NDRG1: variants seen among roughly 807,000 people sequenced by gnomAD.
NDRG1 encodes the protein protein NDRG1.
In NDRG1, 32 loss-of-function variants were observed where a neutral mutation model predicts 56.9. The observed-to-expected ratio is 0.56, with a 90% CI of 0.42 to 0.76. The LOEUF (loss-of-function observed/expected upper bound fraction) is 0.76, where lower values mean the gene tolerates loss of function less well. Ranked by LOEUF, NDRG1 falls within the 30% of genes least tolerant of loss-of-function variation. NDRG1 has a pLI of 0.00. For missense variants in NDRG1, 507 were observed against 545.7 expected (o/e 0.93, Z 0.71); for synonymous variants, 211 against 204.1 (o/e 1.03, Z -0.29).
chr8:133,293,104 G>A (rs1275592208), intron 1 of NDRG1, among the ~76,000 whole-genome samples: 1 of 152,124 alleles, frequency 6.6e-6, no homozygotes, highest in East Asian at 1.9e-4. Flanking sequence ...CCCCCACCCC[G>A]AGAACACGGC....
Position 133,254,577 on chromosome 8 carries a change from C to A in NDRG1, c.556G>T (p.Ala186Ser). The change falls in exon 9 of 16, where the codon GCT (alanine) becomes TCT (serine). Residue 186 changes from alanine to serine, a missense_variant. Physicochemically the swap from Ala to Ser is moderately conservative, Grantham distance 99. Transcript: ENST00000323851. Reference protein sequence around the residue: ...AASKISGWTQALPDMVVSHLF... With the variant: ...AASKISGWTQSLPDMVVSHLF... ...TGGGACACCACCATGTCCGGCAGAGCTTGGGTCCATCCTGAGATCTGGAAA... is the reference window on the plus strand; with the variant it reads ...TGGGACACCACCATGTCCGGCAGAGATTGGGTCCATCCTGAGATCTGGAAA... 6.2e-7 allele frequency: 1 copy of A among 1,614,110 alleles called. No individual in the cohort carries two copies. The highest frequency in any genetic ancestry group is 8.5e-7 in the Non-Finnish European group (1 of 1,180,004).
intron 10 of NDRG1, among the ~76,000 whole-genome samples, chr8:133,250,153 A>G (rs1434865413): frequency 1.3e-5 from 2 of 152,122 alleles, no homozygotes; most frequent in African/African-American, 4.8e-5. Context: ...GCGGGCACAC[A>G]TATTTACTCT....
chr8:133,293,155 C>T (rs573291873), intron 1 of NDRG1, among the ~76,000 whole-genome samples: 8 of 152,206 alleles, frequency 5.3e-5, no homozygotes, highest in Non-Finnish European at 8.8e-5. Context: ...CCTCTGCAGC[C>T]GCCTTCCTGT....
chr8:133,282,663 C>T (rs998811761), intron 2 of NDRG1, among the ~76,000 whole-genome samples: 1 of 152,182 alleles, frequency 6.6e-6, no homozygotes, highest in African/African-American at 2.4e-5. Context: ...CACTGCAATC[C>T]GCCTCACCAC....
intron 2 of NDRG1, among the ~76,000 whole-genome samples, chr8:133,281,376 T>C (rs1857792243): frequency 7.0e-6 from 1 of 142,734 alleles, no homozygotes; most frequent in South Asian, 2.2e-4. Context: ...AAAAAAAAAA[T>C]CTGAGTTTCA....
chr8:133,264,646 C>A lies in NDRG1; in HGVS notation c.106G>T (p.Asp36Tyr), dbSNP rs745832151. 6 of 1,614,028 alleles carry A rather than the reference C, an allele frequency of 3.7e-6. No individual in the cohort carries two copies. Among genetic ancestry groups the A allele is most frequent in the Non-Finnish European group, 8.5e-7 (1 of 1,179,976 alleles). ...ACAGAGCCATGTAAAGTCTCGATGT[C>A]CTGCTCCTGAGGAGACACAGCAGAC... is the stretch of plus-strand genomic sequence containing the variant. ...LLQEFDVQEQ[D>Y]IETLHGSVHV... The change falls in exon 4 of 16, where the codon GAC (aspartate) becomes TAC (tyrosine). Residue 36 changes from aspartate to tyrosine, a missense_variant. Asp to Tyr is a radical substitution (Grantham distance 160). Coordinates refer to ENST00000323851, the MANE Select transcript of NDRG1 (RefSeq NM_006096.4).
chr8:133,242,072 C>G lies in NDRG1; in HGVS notation c.894G>C (p.Pro298=). Residue 298 remains proline (P), a splice_region_variant and synonymous_variant, in exon 15 of 16, where the codon CCG becomes CCC. Coordinates refer to ENST00000323851, the MANE Select transcript of NDRG1 (RefSeq NM_006096.4). ...ACTTGAAGGCCTCAGCGAGCTTGGCCGGCTGCGAGAGACAAGGAGAGAAAA... is the reference window on the plus strand; with the variant it reads ...ACTTGAAGGCCTCAGCGAGCTTGGCGGGCTGCGAGAGACAAGGAGAGAAAA... The part of the protein sequence containing the change: ...DCGGLPQISQ[P]AKLAEAFKYF... 1 of 1,614,138 alleles carries G rather than the reference C, an allele frequency of 6.2e-7. No individual in the cohort carries two copies. Among genetic ancestry groups the G allele is most frequent in the Middle Eastern group, 1.6e-4 (1 of 6,062 alleles).
chr8:133,284,332 G>A lies in NDRG1; in HGVS notation c.-18-3C>T, dbSNP rs756028856. 43 of 1,612,538 alleles carry A rather than the reference G, an allele frequency of 2.7e-5. No individual in the cohort carries two copies. The highest frequency in any genetic ancestry group is 3.6e-5 in the Non-Finnish European group (42 of 1,179,996). On this transcript the variant is annotated splice_region_variant and splice_polypyrimidine_tract_variant and intron_variant, in intron 1 of 15. Transcript: ENST00000323851. ...GACATGTCCCTGCTGTCACCTGCCT[G>A]CAAGGAGACAAAGGCCAAAAGGTCA...
intron 3 of NDRG1, among the ~76,000 whole-genome samples, chr8:133,272,653 A>G (rs1161974029): frequency 6.6e-6 from 1 of 152,148 alleles, no homozygotes. Flanking sequence ...CTCCTAGGAA[A>G]CCCACAGCAG....
intron 6 of NDRG1, 115 bp downstream of exon 6, chr8:133,259,053 C>T (rs1856530067): frequency 9.2e-7 from 1 of 1,088,978 alleles, no homozygotes; most frequent in African/African-American, 1.5e-5. Context: ...CTTGCCTCAT[C>T]TCTAAATTGC....
intron 2 of NDRG1, chr8:133,281,040 A>G (rs549588143): frequency 1.3e-5 from 2 of 152,346 alleles, no homozygotes; most frequent in East Asian, 3.9e-4. Context: ...GGAGACCTCT[A>G]AGCATTTCCC....
At chr8:133,265,733 A>T (rs1350929318) in intron 3 of NDRG1, among the ~76,000 whole-genome samples, 1 of 151,128 alleles carries the variant, frequency 6.6e-6, no homozygotes, top group Non-Finnish European at 1.5e-5. Context: ...GGTTCCAAGC[A>T]CCCCAGCTCA....
rs7820205 is a variant in NDRG1 at position 133,284,499 on chromosome 8, T to C, written c.-18-170A>G. 0.32 allele frequency among the ~76,000 whole-genome samples: 47,991 copies of C among 152,108 alleles called. 9,396 individuals are homozygous for C. Among genetic ancestry groups the C allele is most frequent in the African/African-American group, 0.53 (22,187 of 41,474 alleles). On this transcript the variant is annotated intron_variant, in intron 1 of 15. Transcript: ENST00000323851. ...GGAGGTCCCTTGTACACACAGCCCATGGACCCAACCCAGTCTTCCCATTGG... is the reference window on the plus strand; with the variant it reads ...GGAGGTCCCTTGTACACACAGCCCACGGACCCAACCCAGTCTTCCCATTGG...
intron 8 of NDRG1, chr8:133,256,215 A>G (rs992638099): frequency 6.4e-6 from 1 of 156,378 alleles, no homozygotes; most frequent in African/African-American, 2.4e-5. Flanking sequence ...CACCTCCTAG[A>G]GTTACTATGA....
At chr8:133,245,885 A>G (rs1855646905) in intron 13 of NDRG1, among the ~76,000 whole-genome samples, 1 of 152,244 alleles carries the variant, frequency 6.6e-6, no homozygotes. Context: ...CCACTCAATA[A>G]GTATCGGACA....
chr8:133,295,282 C>T (rs1330802477), intron 1 of NDRG1, among the ~76,000 whole-genome samples: 2 of 152,246 alleles, frequency 1.3e-5, no homozygotes, highest in Non-Finnish European at 2.9e-5. Flanking sequence ...ACCTGCCAGG[C>T]GCTGGGCCAG....
chr8:133,264,559 T>C lies in NDRG1; in HGVS notation c.193A>G (p.Ile65Val). ...NRPVILTYHDIGMNHKTCYNP... is the reference protein window; with the variant it reads ...NRPVILTYHDVGMNHKTCYNP... ...CCTCAGAACTTACGGTTCATGCCGA[T>C]GTCATGGTAGGTGAGGATGACAGGC... is the stretch of plus-strand genomic sequence containing the variant. Residue 65 changes from isoleucine (I) to valine (V), a missense_variant, in exon 4 of 16, where the codon ATC becomes GTC. Coordinates refer to ENST00000323851, the MANE Select transcript of NDRG1 (RefSeq NM_006096.4). 2.5e-6 allele frequency: 4 copies of C among 1,614,172 alleles called. No individual in the cohort carries two copies. The highest frequency in any genetic ancestry group is 3.4e-6 in the Non-Finnish European group (4 of 1,179,982).
At chr8:133,276,812 A>T (rs898056931) in intron 3 of NDRG1, among the ~76,000 whole-genome samples, 1 of 152,222 alleles carries the variant, frequency 6.6e-6, no homozygotes, top group Admixed American at 6.5e-5. Flanking sequence ...GAATGGACTG[A>T]TACCTCTAGC....
In NDRG1 at chr8:133,276,432, T is replaced by C. The variant is rs147268107; in HGVS notation, c.99+3800A>G. 8.7e-3 allele frequency among the ~76,000 whole-genome samples: 1,320 copies of C among 152,200 alleles called. 17 individuals carry two copies. Among genetic ancestry groups the C allele is most frequent in the Non-Finnish European group, 0.012 (825 of 68,004 alleles). On this transcript the variant is annotated intron_variant, in intron 3 of 15. Transcript: ENST00000323851. ...ATAACCATATGATCCAGTGATAGGGTTTGGCTGTGTCCCCACCCAAATCTC... is the reference window on the plus strand; with the variant it reads ...ATAACCATATGATCCAGTGATAGGGCTTGGCTGTGTCCCCACCCAAATCTC...
Sources: gnomAD v4.1 joint callset for allele counts (sites outside exome capture counted in the v4.1 genomes callset) on GRCh38, gnomAD v4.1.1 for gene constraint, MANE v1.5 for transcripts, NCBI Gene and HGNC (gene_info 2026-07-23, HGNC 2026-07-21) for gene names.